SETD1A: variants seen among roughly 807,000 people sequenced by gnomAD.
SETD1A encodes the protein histone-lysine N-methyltransferase SETD1A.
In SETD1A, 29 loss-of-function variants were observed where a neutral mutation model predicts 149.9. The ratio of observed to expected loss-of-function variants is 0.19; its 90% CI spans 0.14 to 0.26. The LOEUF (loss-of-function observed/expected upper bound fraction) is 0.26. Ranked by LOEUF, SETD1A falls within the 10% of genes least tolerant of loss-of-function variation. SETD1A has a pLI of 1.00. For synonymous variants in SETD1A, 1,141 were observed against 968.5 expected, an observed-to-expected ratio of 1.18 and a Z score of -3.31; for missense variants, 2,109 against 2,353.1, an observed-to-expected ratio of 0.90 and a Z score of 2.15.
chr16:30,965,028 C>T lies in SETD1A; in HGVS notation c.1286C>T (p.Ala429Val). 1.2e-6 allele frequency: 2 copies of T among 1,613,224 alleles called. No homozygotes were observed. The highest frequency in any genetic ancestry group is 1.3e-5 in the African/African-American group (1 of 75,040). The change falls in exon 7 of 19, where the codon GCC becomes GTC. Residue 429 changes from alanine (A) to valine (V), a missense_variant. Physicochemically the swap from Ala to Val is moderately conservative, Grantham distance 64. Transcript: ENST00000262519. Reference protein sequence around the residue: ...RPTDQDYRPPASEAPPPEPPE... With the variant: ...RPTDQDYRPPVSEAPPPEPPE... ...ACCGACCAGGACTACCGGCCTCCTG[C>T]CTCAGAGGCTCCACCCCCGGAGCCT... is the stretch of plus-strand genomic sequence containing the variant.
At chr16:30,967,385 C>T (rs922325107) in intron 9 of SETD1A, 116 bp from the exon 10 acceptor site, 2 of 893,048 alleles carry the variant, frequency 2.2e-6, no homozygotes, top group Non-Finnish European at 3.7e-6. Context: ...AACTCCTAAC[C>T]TCAGGTGATC....
At position 30,984,307 on chromosome 16, in the gene SETD1A, G is replaced by A. The variant is rs140709612; in HGVS notation, c.*284G>A. 76 of 449,730 alleles carry A rather than the reference G, an allele frequency of 1.7e-4. No individual in the cohort carries two copies. Among genetic ancestry groups the A allele is most frequent in the African/African-American group, 1.4e-3 (71 of 50,760 alleles). The allele number at this position is 449,730 out of a possible 1,614,324, so 27.9% of individuals were successfully genotyped here. Reference sequence around the variant, plus strand: ...GTTTCCTGTGGAAACCTGGGGTGCCGGCCTGTACAGATTCTGTCCTGGGGG... The same window carrying A: ...GTTTCCTGTGGAAACCTGGGGTGCCAGCCTGTACAGATTCTGTCCTGGGGG... On this transcript the variant is annotated 3_prime_UTR_variant, in exon 19 of 19. Coordinates refer to ENST00000262519, the MANE Select transcript of SETD1A (RefSeq NM_014712.3).
rs751326694 is a variant in SETD1A at position 30,966,853 on chromosome 16, C to G, written c.2506-31C>G. 3.9e-6 allele frequency: 6 copies of G among 1,521,922 alleles called. No homozygotes were observed. The South Asian group carries it at 7.5e-5, about 19-fold the overall frequency. 94.3% of individuals were successfully genotyped at this position (1,521,922 alleles called of 1,614,324 possible). On this transcript the variant is annotated intron_variant, in intron 8 of 18. Transcript: ENST00000262519. ...CAGGAGGGAATGCCTGGGTTCTGGG[C>G]GCTGGGGCTCAGCCCCACTGCTGCC...
intron 4 of SETD1A, among the ~76,000 whole-genome samples, chr16:30,963,158 A>G (rs950386280): frequency 1.5e-4 from 23 of 152,222 alleles, no homozygotes; most frequent in African/African-American, 5.3e-4. Flanking sequence ...GAACAGAGGT[A>G]CTGATGCTTC....
rs201102613 is a variant in SETD1A at position 30,965,306 on chromosome 16, G to C, written c.1564G>C (p.Gly522Arg). 1 of 1,614,096 alleles carries C rather than the reference G, an allele frequency of 6.2e-7. No individual in the cohort carries two copies. Among genetic ancestry groups the C allele is most frequent in the Non-Finnish European group, 8.5e-7 (1 of 1,180,050 alleles). Residue 522 changes from glycine to arginine, a missense_variant, in exon 7 of 19, where the codon GGG (glycine) becomes CGG (arginine). Transcript: ENST00000262519. ...GGAAGAGAACAGCAGCATGGTCCTT[G>C]GGGCCAGAGATACAGGGAGTGAGGT... ...EEEENSSMVL[G>R]ARDTGSEVPS...
chr16:30,965,680 C>A lies in SETD1A; in HGVS notation c.1799C>A (p.Pro600His). 6.2e-7 allele frequency: 1 copy of A among 1,608,530 alleles called. No individual in the cohort carries two copies. The highest frequency in any genetic ancestry group is 8.5e-7 in the Non-Finnish European group (1 of 1,177,842). ...RGGSPPPAPT[P>H]PQQPPPPPPP... is the part of the protein sequence containing the mutation. ...GGCTCACCCCCTCCGGCCCCGACGC[C>A]CCCTCAGCAGCCTCCGCCACCTCCC... The change falls in exon 8 of 19, where the codon CCC becomes CAC. Residue 600 changes from proline to histidine, a missense_variant. By Grantham distance (77) the Pro-to-His change is moderately conservative (BLOSUM62 -2). Around this residue, in one of 8 missense-constraint regions of SETD1A, gnomAD observed 431 missense variants for 388.6 expected, o/e 1.11. Transcript: ENST00000262519.
In SETD1A at chr16:30,969,705, T is replaced by C. The variant is rs768926722; in HGVS notation, c.3016+16T>C. On this transcript the variant is annotated intron_variant, in intron 12 of 18. Transcript: ENST00000262519. ...GTGTCGGATGGTGAGCACAAGACAG[T>C]GAAATCGACTTTGGGCTCGGAGGAG... 3 of 1,606,166 alleles carry C rather than the reference T, an allele frequency of 1.9e-6. No homozygotes were observed. Among genetic ancestry groups the C allele is most frequent in the Non-Finnish European group, 2.6e-6 (3 of 1,172,752 alleles).
chr16:30,965,122 C>A lies in SETD1A; in HGVS notation c.1380C>A (p.Pro460=). 6.2e-7 allele frequency: 1 copy of A among 1,612,182 alleles called. No individual in the cohort carries two copies. The highest frequency in any genetic ancestry group is 8.5e-7 in the Non-Finnish European group (1 of 1,179,930). ...SPEREEVRTS[P]RPASPARSGS... ...AGAGAGAAGAAGTTCGGACTTCCCC[C>A]CGCCCAGCCTCCCCTGCCCGCTCTG... is the stretch of plus-strand genomic sequence containing the variant. The change falls in exon 7 of 19, where the codon CCC becomes CCA. Residue 460 remains proline, a synonymous_variant. Coordinates refer to ENST00000262519, the MANE Select transcript of SETD1A (RefSeq NM_014712.3).
At position 30,980,952 on chromosome 16, in the gene SETD1A, G is replaced by T. The variant is rs1158365878; in HGVS notation, c.4692+103G>T. The T allele has an allele frequency of 1.9e-6, 3 of 1,574,792 alleles. No homozygotes were observed. Among genetic ancestry groups the T allele is most frequent in the Middle Eastern group, 4.0e-4 (2 of 5,014 alleles). On this transcript the variant is annotated intron_variant, in intron 16 of 18. Transcript: ENST00000262519. This position sits in a 1 kb window ranked among gnomAD's most constrained non-coding sequence, Gnocchi z 7.7. Reference sequence around the variant, plus strand: ...GGCTCCTGTGGTTCCCTCGGGTGGAGTTGGGGGGTAAGCAGCCAGAACACC... The same window carrying T: ...GGCTCCTGTGGTTCCCTCGGGTGGATTTGGGGGGTAAGCAGCCAGAACACC...
At chr16:30,958,916 G>T in intron 2 of SETD1A, 35 bp downstream of exon 2, 7 of 1,611,750 alleles carry the variant, frequency 4.3e-6, no homozygotes, top group Non-Finnish European at 5.1e-6. Context: ...CATCCGGGGA[G>T]CTCCAGGCGC....
Position 30,975,545 on chromosome 16 carries a change from C to T in SETD1A, c.3359-3600C>T, listed in dbSNP as rs2056275401. 2.0e-5 allele frequency among the ~76,000 whole-genome samples: 3 copies of T among 150,926 alleles called. No individual in the cohort carries two copies. The South Asian group carries it at 6.3e-4, about 32-fold the overall frequency. On this transcript the variant is annotated intron_variant, in intron 13 of 18. Transcript: ENST00000262519. ...TCCCGGGTTCATGTGATTCTCCTGCCTCAGCTTCCCAAGCAGCTGGGATTA... is the reference window on the plus strand; with the variant it reads ...TCCCGGGTTCATGTGATTCTCCTGCTTCAGCTTCCCAAGCAGCTGGGATTA...
In SETD1A at chr16:30,979,988, G is replaced by GGCCCC; in HGVS notation, c.4202_4203insGCCCC (p.Arg1402ProfsTer25). On this transcript the variant is annotated frameshift_variant, in exon 14 of 19. Transcript: ENST00000262519. LOFTEE classifies it high-confidence loss of function. ...AGCCTCCGCTCCCACGCCCGGCGCCGCCGCCCTCCGCCCCCACCCCCGCCG... is the reference window on the plus strand; with the variant it reads ...AGCCTCCGCTCCCACGCCCGGCGCCGGCCCCCCGCCCTCCGCCCCCACCCCCGCCG... The GGCCCC allele has an allele frequency of 4.0e-6, 6 of 1,494,174 alleles. No individual in the cohort carries two copies. Among genetic ancestry groups the GGCCCC allele is most frequent in the Non-Finnish European group, 4.4e-6 (5 of 1,126,898 alleles). The allele number at this position is 1,494,174 out of a possible 1,614,324, so 92.6% of individuals were successfully genotyped here.
intron 4 of SETD1A, among the ~76,000 whole-genome samples, chr16:30,962,421 T>A (rs980381214): frequency 2.0e-5 from 3 of 152,200 alleles, no homozygotes; most frequent in Non-Finnish European, 4.4e-5. Context: ...GGTGCCAGAT[T>A]CTCAGAAATA....
chr16:30,960,856 C>G lies in SETD1A; in HGVS notation c.247-411C>G, dbSNP rs893589465. Among the ~76,000 whole-genome samples, 3 of 151,500 alleles carry G rather than the reference C, an allele frequency of 2.0e-5. No homozygotes were observed. In the East Asian group the frequency reaches 5.8e-4, roughly 29 times the overall value. ...GTTCAAGTGATTCTCCTGCCTCACC[C>G]TCCTGAGTAGCTGGGATTACAGGTG... On this transcript the variant is annotated intron_variant, in intron 3 of 18. Transcript: ENST00000262519.
At chr16:30,970,933 G>C (rs998902009) in intron 12 of SETD1A, among the ~76,000 whole-genome samples, 2 of 152,178 alleles carry the variant, frequency 1.3e-5, no homozygotes, top group African/African-American at 4.8e-5. Context: ...AGAGCCTGTC[G>C]TGTTTTTTAA....
chr16:30,963,021 C>T (rs964569770), intron 4 of SETD1A, among the ~76,000 whole-genome samples: 19 of 152,274 alleles, frequency 1.2e-4, no homozygotes, highest in African/African-American at 2.2e-4. Flanking sequence ...GTTAGTCCCC[C>T]GGTTGCTGTT....
chr16:30,984,462 C>T lies in SETD1A; in HGVS notation c.*439C>T, dbSNP rs534537091. 2.3e-4 allele frequency: 39 copies of T among 170,542 alleles called. 1 individual carries two copies. The highest frequency in any genetic ancestry group is 7.2e-4 in the Admixed American group (13 of 18,114). The allele number at this position is 170,542 out of a possible 1,614,324, so 10.6% of individuals were successfully genotyped here. On this transcript the variant is annotated 3_prime_UTR_variant, in exon 19 of 19. Coordinates refer to ENST00000262519, the MANE Select transcript of SETD1A (RefSeq NM_014712.3). ...CTGGGGGGGCTCTGCACCCCCAGTC[C>T]TGGGGACTCCGTGCCTGGAACCCTG...
chr16:30,972,092 G>T (rs1259819670), intron 13 of SETD1A, among the ~76,000 whole-genome samples: 1 of 152,220 alleles, frequency 6.6e-6, no homozygotes, highest in Non-Finnish European at 1.5e-5. Flanking sequence ...TAGAAAACAA[G>T]TATTAACATA....
Position 30,961,236 on chromosome 16 carries a change from G to A in SETD1A, c.247-31G>A, listed in dbSNP as rs1387598825. ...ACAAAGGAACAGTGGTCAGTGTTGA[G>A]ACCCCATACCAACTCCTGTTCTTTC... On this transcript the variant is annotated intron_variant, in intron 3 of 18. Coordinates refer to ENST00000262519, the MANE Select transcript of SETD1A (RefSeq NM_014712.3). The surrounding 1 kb of genome is among the most constrained non-coding windows in gnomAD (Gnocchi z 4.0). The A allele has an allele frequency of 6.2e-7, 1 of 1,611,262 alleles. No homozygotes were observed. Among genetic ancestry groups the A allele is most frequent in the Admixed American group, 1.7e-5 (1 of 59,792 alleles).
Sources: gnomAD v4.1 joint callset for allele counts (sites outside exome capture counted in the v4.1 genomes callset) on GRCh38, gnomAD v4.1.1 for gene constraint, gnomAD v4.1.1 regional missense constraint, Gnocchi (gnomAD v3.1) non-coding constraint, MANE v1.5 for transcripts, NCBI Gene and HGNC (gene_info 2026-07-23, HGNC 2026-07-21) for gene names.